Variants in THSD7B observed in about 807,000 individuals in gnomAD.
The protein encoded by THSD7B is thrombospondin type-1 domain-containing protein 7B.
Under a neutral mutation model 213.6 loss-of-function variants are expected in THSD7B, and 138 were observed. The observed-to-expected ratio is 0.65, with a 90% CI of 0.56 to 0.74. The LOEUF (loss-of-function observed/expected upper bound fraction) is 0.74. Among genes scored for constraint, THSD7B ranks in the 30% least tolerant of loss-of-function variants. The pLI is 0.00. For synonymous variants in THSD7B, 742 were observed against 687.0 expected, an observed-to-expected ratio of 1.08 and a Z score of -1.25; for missense variants, 1,931 against 1,991.5, an observed-to-expected ratio of 0.97 and a Z score of 0.58.
At chr2:137,278,808 G>A (rs551877925) in intron 12 of THSD7B, among the ~76,000 whole-genome samples, 1 of 152,184 alleles carries the variant, frequency 6.6e-6, no homozygotes, top group Admixed American at 6.5e-5. Flanking sequence ...AGGTATAAAA[G>A]CACTTATCCG....
chr2:136,885,388 A>G (rs1367125), intron 2 of THSD7B, among the ~76,000 whole-genome samples: 138,764 of 152,116 alleles, frequency 0.91, 63,522 homozygotes, highest in East Asian at 1. Flanking sequence ...GGATTTCCAT[A>G]CTGAGGGAGA....
intron 15 of THSD7B, among the ~76,000 whole-genome samples, chr2:137,470,606 T>C (rs1313321732): frequency 6.6e-6 from 1 of 152,238 alleles, no homozygotes. Flanking sequence ...GTTGCAAATT[T>C]TCTTCAAGCC....
chr2:137,112,887 C>CA (rs1179287866), intron 4 of THSD7B, among the ~76,000 whole-genome samples: 2 of 152,004 alleles, frequency 1.3e-5, no homozygotes, highest in East Asian at 3.9e-4. Flanking sequence ...ATGTCAGGCT[C>CA]AATGATTGGT....
intron 10 of THSD7B, among the ~76,000 whole-genome samples, chr2:137,252,266 CAAAAAAAA>C (rs1182130976): frequency 1.7e-5 from 1 of 59,688 alleles, no homozygotes; most frequent in Non-Finnish European, 2.8e-5. Flanking sequence ...GACTCTGTCT[CAAAAAAAA>C]AAAAAAAAAA....
intron 1 of THSD7B, among the ~76,000 whole-genome samples, chr2:136,828,460 T>A (rs1267539664): frequency 6.6e-6 from 1 of 152,162 alleles, no homozygotes; most frequent in East Asian, 1.9e-4. Flanking sequence ...TTCTTAAATA[T>A]CTCCCCATAT....
rs977332730 is a variant in THSD7B at position 137,289,721 on chromosome 2, C to T, written c.2500+13695C>T. ...TTTACAAAATATTTGCCAAAGAAAA[C>T]CAAGAAATAAGTAGCTTTAAAACTC... is the stretch of plus-strand genomic sequence containing the variant. On this transcript the variant is annotated intron_variant, in intron 12 of 27. Coordinates refer to ENST00000409968, the MANE Select transcript of THSD7B (RefSeq NM_001316349.2). Among the ~76,000 whole-genome samples, 7 of 151,164 alleles carry T rather than the reference C, an allele frequency of 4.6e-5. 1 individual carries two copies. The South Asian group carries it at 1.5e-3, about 32-fold the overall frequency.
At chr2:137,389,185 A>G (rs565491496) in intron 12 of THSD7B, among the ~76,000 whole-genome samples, 4 of 70,396 alleles carry the variant, frequency 5.7e-5, no homozygotes, top group South Asian at 6.7e-4. Flanking sequence ...GTCTCACCAT[A>G]TATCTGTCAT....
At chr2:137,440,793 A>C (rs1234535551) in intron 14 of THSD7B, among the ~76,000 whole-genome samples, 1 of 152,156 alleles carries the variant, frequency 6.6e-6, no homozygotes, top group Non-Finnish European at 1.5e-5. Flanking sequence ...CTGGTCCAAT[A>C]TATTGGCTGG....
Position 137,279,608 on chromosome 2 carries a change from G to A in THSD7B, c.2500+3582G>A, listed in dbSNP as rs575829091. 2.5e-3 allele frequency among the ~76,000 whole-genome samples: 377 copies of A among 152,194 alleles called. 1 individual carries two copies. The highest frequency in any genetic ancestry group is 5.0e-3 in the South Asian group (24 of 4,832). ...TCTAAGGGATTATTTAAGTAAATGC[G>A]TTGCAAAATGCTGAAAAAGCTAGGT... On this transcript the variant is annotated intron_variant, in intron 12 of 27. Transcript: ENST00000409968.
chr2:136,984,460 G>T (rs1685637328), intron 2 of THSD7B, among the ~76,000 whole-genome samples: 3 of 152,130 alleles, frequency 2.0e-5, no homozygotes, highest in Admixed American at 2.0e-4. Context: ...TCTTGCTCCT[G>T]CTCTCACCAT....
At chr2:137,283,337 G>C (rs952539141) in intron 12 of THSD7B, among the ~76,000 whole-genome samples, 1 of 151,940 alleles carries the variant, frequency 6.6e-6, no homozygotes, top group African/African-American at 2.4e-5. Flanking sequence ...TTATACAATC[G>C]TGTCATCTGC....
chr2:136,813,439 C>G (rs538767461), intron 1 of THSD7B, among the ~76,000 whole-genome samples: 39 of 143,570 alleles, frequency 2.7e-4, no homozygotes, highest in African/African-American at 1.1e-3. Context: ...AAATGGAGCG[C>G]CTGCTCTTCG....
intron 7 of THSD7B, among the ~76,000 whole-genome samples, chr2:137,174,643 T>G (rs1034310910): frequency 2.6e-5 from 4 of 152,174 alleles, no homozygotes; most frequent in African/African-American, 9.7e-5. Context: ...CCTGTAATTA[T>G]AGCAAACATT....
At chr2:137,406,856 A>G (rs191965152) in intron 13 of THSD7B, among the ~76,000 whole-genome samples, 1 of 152,226 alleles carries the variant, frequency 6.6e-6, no homozygotes, top group African/African-American at 2.4e-5. Flanking sequence ...TTTATGCAAC[A>G]TTGCTTGTTT....
intron 17 of THSD7B, among the ~76,000 whole-genome samples, chr2:137,587,304 G>T (rs536157225): frequency 6.6e-6 from 1 of 152,294 alleles, no homozygotes; most frequent in Admixed American, 6.5e-5. Flanking sequence ...GCTCGGAGAA[G>T]TTTCGTTGTC....
At chr2:137,088,318 A>C (rs1687882011) in intron 3 of THSD7B, among the ~76,000 whole-genome samples, 1 of 152,036 alleles carries the variant, frequency 6.6e-6, no homozygotes, top group Non-Finnish European at 1.5e-5. Context: ...ACCCAGAAAT[A>C]AACCCAAATA....
intron 2 of THSD7B, among the ~76,000 whole-genome samples, chr2:137,032,788 A>G (rs1156405118): frequency 6.6e-6 from 1 of 152,200 alleles, no homozygotes; most frequent in Admixed American, 6.5e-5. Flanking sequence ...ATAATGCATA[A>G]AAGTATCATG....
At chr2:137,184,889 T>C (rs1680522430) in intron 7 of THSD7B, among the ~76,000 whole-genome samples, 1 of 152,206 alleles carries the variant, frequency 6.6e-6, no homozygotes, top group Non-Finnish European at 1.5e-5. Flanking sequence ...TGAGGCTTCA[T>C]TCTACTCTCC....
intron 2 of THSD7B, among the ~76,000 whole-genome samples, chr2:137,030,604 C>T (rs564238536): frequency 6.6e-6 from 1 of 152,110 alleles, no homozygotes; most frequent in African/African-American, 2.4e-5. Flanking sequence ...GTAGTTCTTA[C>T]AAAATGGTCT....
Sources: allele counts gnomAD v4.1 joint callset (sites outside exome capture counted in the v4.1 genomes callset), GRCh38; gene constraint gnomAD v4.1.1; transcripts MANE v1.5; gene names NCBI Gene and HGNC (gene_info 2026-07-23, HGNC 2026-07-21).